Variants in TMPRSS7 observed in about 807,000 individuals in gnomAD.
The protein encoded by TMPRSS7 is transmembrane serine protease 7.
TMPRSS7 carries 81 observed loss-of-function variants against 95.6 expected under a neutral mutation model. The observed-to-expected ratio is 0.85, with a 90% CI of 0.71 to 1.02. TMPRSS7 has a LOEUF of 1.02. TMPRSS7 is among the 50% of genes least tolerant of loss of function. The probability of loss-of-function intolerance (pLI) is 0.00; values close to 1 mark genes in which losing one functional copy is unlikely to be tolerated. For synonymous variants in TMPRSS7, 364 were observed against 337.8 expected, an observed-to-expected ratio of 1.08 and a Z score of -0.85; for missense variants, 945 against 955.2, an observed-to-expected ratio of 0.99 and a Z score of 0.14.
intron 13 of TMPRSS7, among the ~76,000 whole-genome samples, chr3:112,070,826 G>A (rs890081011): frequency 1.3e-5 from 2 of 152,136 alleles, no homozygotes; most frequent in Admixed American, 1.3e-4. Context: ...TGTGCACAAC[G>A]TGCAGGTTTG....
At chr3:112,049,068 G>A (rs1377659449) in intron 7 of TMPRSS7, among the ~76,000 whole-genome samples, 1 of 152,160 alleles carries the variant, frequency 6.6e-6, no homozygotes, top group African/African-American at 2.4e-5. Context: ...CTTCCGCCAC[G>A]TCTCAGGTGG....
At chr3:112,036,141 C>G (rs2073148369) in intron 1 of TMPRSS7, among the ~76,000 whole-genome samples, 1 of 152,166 alleles carries the variant, frequency 6.6e-6, no homozygotes, top group African/African-American at 2.4e-5. Context: ...AGTCATGAAG[C>G]TGTAACTAGG....
rs750847839 is a variant in TMPRSS7, at chr3:112,075,218, T to C, written c.1784-103T>C. 48 of 1,199,172 alleles carry C rather than the reference T, an allele frequency of 4.0e-5. No homozygotes were observed. The South Asian group carries it at 8.7e-4, about 22-fold the overall frequency. 74.3% of individuals were successfully genotyped at this position (1,199,172 alleles called of 1,614,324 possible). A position where few individuals can be genotyped will look rare whatever the true frequency, so the allele number is the denominator to read the frequency against. ...GTCCTCTAGATAAGGAGATTTCAAA[T>C]TGCTACCTAGTGAGTCAGTTCCCAG... On this transcript the variant is annotated intron_variant, in intron 14 of 17. Coordinates refer to ENST00000452346, the Ensembl canonical transcript of TMPRSS7.
At chr3:112,077,242 A>T in intron 16 of TMPRSS7, 98 bp downstream of exon 16, 3 of 1,378,858 alleles carry the variant, frequency 2.2e-6, no homozygotes, top group Non-Finnish European at 3.0e-6. Context: ...TGTGTATATG[A>T]TCTCCTTTGA....
At chr3:112,066,229 A>C (rs2073573151) in intron 12 of TMPRSS7, among the ~76,000 whole-genome samples, 163 bp from the exon 13 acceptor site, 1 of 152,226 alleles carries the variant, frequency 6.6e-6, no homozygotes, top group South Asian at 2.1e-4. Flanking sequence ...CAAAGTTTAA[A>C]CACCTACTTT....
At chr3:112,050,737 A>T in exon 9 of TMPRSS7, 1 of 1,604,680 alleles carries the variant, frequency 6.2e-7, no homozygotes, top group Non-Finnish European at 8.5e-7. Context: ...AGCCCATATT[A>T]CCCGAGCTAC....
Position 112,045,744 on chromosome 3 carries a change from T to C in TMPRSS7, c.498-6T>C. ...GTCCCTGATGATCTCTCTTTTTTCG[T>C]TATAGCAGCAACAACAAAGGCGGCC... is the stretch of plus-strand genomic sequence containing the variant. On this transcript the variant is annotated splice_region_variant and splice_polypyrimidine_tract_variant and intron_variant, in intron 4 of 17. Transcript: ENST00000452346. 6.5e-7 allele frequency: 1 copy of C among 1,545,214 alleles called. No individual in the cohort carries two copies. Among genetic ancestry groups the C allele is most frequent in the East Asian group, 2.4e-5 (1 of 40,888 alleles).
intron 17 of TMPRSS7, among the ~76,000 whole-genome samples, chr3:112,080,589 C>CCAT (rs755694342): frequency 2.0e-5 from 3 of 151,652 alleles, no homozygotes; most frequent in Non-Finnish European, 2.9e-5. Context: ...ACCACCACCA[C>CCAT]CATCACCACT....
chr3:112,075,444 T>C, exon 15 of TMPRSS7: 1 of 1,541,536 alleles, frequency 6.5e-7, no homozygotes, highest in Non-Finnish European at 8.7e-7. Context: ...GCCTCAGTCA[T>C]CTCCAGGGAG....
intron 13 of TMPRSS7, among the ~76,000 whole-genome samples, chr3:112,071,048 C>G (rs2073640418): frequency 6.6e-6 from 1 of 152,194 alleles, no homozygotes; most frequent in South Asian, 2.1e-4. Flanking sequence ...CATCGATGAC[C>G]TTTACAATTT....
chr3:112,041,920 G>C (rs1318226379), exon 3 of TMPRSS7: 2 of 1,536,252 alleles, frequency 1.3e-6, no homozygotes, highest in East Asian at 4.9e-5. Context: ...TATTTTACAG[G>C]TAAAACAGAA....
At chr3:112,053,066 G>T (rs1576106681) in intron 9 of TMPRSS7, among the ~76,000 whole-genome samples, 1 of 152,120 alleles carries the variant, frequency 6.6e-6, no homozygotes, top group East Asian at 1.9e-4. Context: ...TCAGTGTAGA[G>T]GTTAAATAAA....
exon 7 of TMPRSS7, chr3:112,047,946 T>C (rs779563507): frequency 2.5e-6 from 4 of 1,613,894 alleles, no homozygotes; most frequent in Non-Finnish European, 3.4e-6. Context: ...CTTTTGCCCA[T>C]CCGGAGCAGC....
chr3:112,041,903 T>G lies in TMPRSS7; in HGVS notation c.299-17T>G. The G allele has an allele frequency of 6.7e-7, 1 of 1,493,764 alleles. No individual in the cohort carries two copies. The highest frequency in any genetic ancestry group is 9.1e-7 in the Non-Finnish European group (1 of 1,094,406). 92.5% of individuals were successfully genotyped at this position (1,493,764 alleles called of 1,614,324 possible). A position where few individuals can be genotyped will look rare whatever the true frequency, so the allele number is the denominator to read the frequency against. ...AGATGGGAAAGCCTCCGAATCTTGT[T>G]CTTTCCTATTTTACAGGTAAAACAG... On this transcript the variant is annotated splice_polypyrimidine_tract_variant and intron_variant, in intron 2 of 17. Transcript: ENST00000452346.
chr3:112,080,551 C>T lies in TMPRSS7; in HGVS notation c.2362-363C>T, dbSNP rs113083841. ...TCACTACTACTACTACTACTACCAC[C>T]ACTACTACTACTACTACTATTACCA... On this transcript the variant is annotated intron_variant, in intron 17 of 17. Coordinates refer to ENST00000452346, the Ensembl canonical transcript of TMPRSS7. Among the ~76,000 whole-genome samples, 574 of 115,226 alleles carry T rather than the reference C, an allele frequency of 5.0e-3. 2 individuals are homozygous for T. Among genetic ancestry groups the T allele is most frequent in the Non-Finnish European group, 7.3e-3 (390 of 53,400 alleles). 75.6% of individuals were successfully genotyped at this position (115,226 alleles called of 152,430 possible).
chr3:112,038,682 A>G (rs1012163249), intron 2 of TMPRSS7, among the ~76,000 whole-genome samples: 2 of 152,102 alleles, frequency 1.3e-5, no homozygotes, highest in East Asian at 1.9e-4. Flanking sequence ...AGTTCTCACT[A>G]TGATGCCCAG....
At chr3:112,074,923 G>C (rs1365289702) in intron 14 of TMPRSS7, among the ~76,000 whole-genome samples, 2 of 152,194 alleles carry the variant, frequency 1.3e-5, no homozygotes, top group East Asian at 3.8e-4. Context: ...AGTTTTCCCT[G>C]TAGGTTTTCA....
chr3:112,073,725 C>A (rs527588385), intron 13 of TMPRSS7, among the ~76,000 whole-genome samples: 1 of 152,130 alleles, frequency 6.6e-6, no homozygotes, highest in African/African-American at 2.4e-5. Flanking sequence ...TTTTGTAATA[C>A]TGGCAGTTTC....
Position 112,057,007 on chromosome 3 carries a change from T to A in TMPRSS7, c.1204-18T>A. 6.5e-7 allele frequency: 1 copy of A among 1,540,294 alleles called. No individual in the cohort carries two copies. Among genetic ancestry groups the A allele is most frequent in the Non-Finnish European group, 8.9e-7 (1 of 1,121,218 alleles). On this transcript the variant is annotated intron_variant, in intron 9 of 17. Coordinates refer to ENST00000452346, the Ensembl canonical transcript of TMPRSS7. ...TTGATTGAAGCATTTTTTTCTGACT[T>A]AATGTTTATTTTCACAGACTTCTCT...
Sources: allele counts gnomAD v4.1 joint callset (sites outside exome capture counted in the v4.1 genomes callset), GRCh38; gene constraint gnomAD v4.1.1; transcripts MANE v1.5; gene names NCBI Gene and HGNC (gene_info 2026-07-23, HGNC 2026-07-21).